The following MKLN1 variants were observed in gnomAD, a reference collection of about 807,000 sequenced individuals.
The protein encoded by MKLN1 is muskelin 1, also known as muskelin.
In MKLN1, 18 loss-of-function variants were observed where a neutral mutation model predicts 99.0. The ratio of observed to expected loss-of-function variants is 0.18; its 90% CI spans 0.13 to 0.27. MKLN1 has a LOEUF of 0.27. Ranked by LOEUF, MKLN1 falls within the 10% of genes least tolerant of loss-of-function variation. MKLN1 has a pLI of 1.00. For synonymous variants in MKLN1, 288 were observed against 293.2 expected (o/e 0.98, Z 0.18); for missense variants, 621 against 875.9 (o/e 0.71, Z 3.67).
chr7:131,335,885 T>A (rs956988356), intron 1 of MKLN1, among the ~76,000 whole-genome samples: 1 of 152,038 alleles, frequency 6.6e-6, no homozygotes, highest in Non-Finnish European at 1.5e-5. Flanking sequence ...TTGAAAAGAC[T>A]ATGCATTCTG....
chr7:131,389,007 CT>C (rs762938353), intron 4 of MKLN1, 35 bp downstream of exon 4: 2 of 1,427,480 alleles, frequency 1.4e-6, no homozygotes, highest in Admixed American at 3.7e-5. Context: ...GAAACAAATT[CT>C]TGATATCATC....
intron 2 of MKLN1, among the ~76,000 whole-genome samples, chr7:131,151,901 A>G (rs987807035): frequency 6.6e-6 from 1 of 152,176 alleles, no homozygotes; most frequent in African/African-American, 2.4e-5. Flanking sequence ...ACATAAGGAA[A>G]AGTAGACAGA....
intron 2 of MKLN1, among the ~76,000 whole-genome samples, chr7:131,176,245 G>A (rs1796297462): frequency 6.6e-6 from 1 of 151,982 alleles, no homozygotes; most frequent in Non-Finnish European, 1.5e-5. Flanking sequence ...TGTATATATT[G>A]AAGTACTAAT....
intron 2 of MKLN1, among the ~76,000 whole-genome samples, chr7:131,175,504 G>GA (rs955885616): frequency 7.9e-5 from 12 of 152,218 alleles, no homozygotes; most frequent in Admixed American, 5.9e-4. Flanking sequence ...ATAATGCTAA[G>GA]AAAAAATAGG....
At chr7:131,467,403 A>G (rs1189392740) in intron 15 of MKLN1, among the ~76,000 whole-genome samples, 1 of 152,182 alleles carries the variant, frequency 6.6e-6, no homozygotes, top group Non-Finnish European at 1.5e-5. Flanking sequence ...AGATTGAGTT[A>G]TTGTTTGTAC....
intron 8 of MKLN1, among the ~76,000 whole-genome samples, chr7:131,423,867 G>A (rs905960507): frequency 2.0e-5 from 3 of 152,198 alleles, no homozygotes; most frequent in African/African-American, 7.2e-5. Context: ...TAACAATTCA[G>A]CCTTTTAGTA....
chr7:131,242,676 A>G (rs1206317492), intron 3 of MKLN1: 15 of 618,882 alleles, frequency 2.4e-5, no homozygotes, highest in Non-Finnish European at 4.5e-5. Flanking sequence ...CGTGAAGAAC[A>G]TTGATGATGG....
chr7:131,334,980 A>G (rs1431034670), intron 1 of MKLN1, among the ~76,000 whole-genome samples: 1 of 152,166 alleles, frequency 6.6e-6, no homozygotes, highest in Admixed American at 6.6e-5. Context: ...TATAGGTTCA[A>G]TCTTAGGATA....
At chr7:131,312,986 T>C (rs1798596384) in intron 3 of MKLN1, among the ~76,000 whole-genome samples, 1 of 152,046 alleles carries the variant, frequency 6.6e-6, no homozygotes, top group African/African-American at 2.4e-5. Flanking sequence ...ATCTAAAGGC[T>C]CAAATCCAAA....
At chr7:131,393,083 T>G (rs1794254601) in intron 4 of MKLN1, among the ~76,000 whole-genome samples, 1 of 152,138 alleles carries the variant, frequency 6.6e-6, no homozygotes, top group Admixed American at 6.5e-5. Flanking sequence ...AACTGAGTCT[T>G]GCTGTCTTGC....
chr7:131,120,508 C>T (rs1401872950), intron 1 of MKLN1, among the ~76,000 whole-genome samples: 1 of 131,544 alleles, frequency 7.6e-6, no homozygotes, highest in African/African-American at 2.9e-5. Context: ...GAGATCACGC[C>T]ACTGCACTCC....
intron 1 of MKLN1, among the ~76,000 whole-genome samples, chr7:131,364,132 C>T (rs1238678443): frequency 6.6e-6 from 1 of 151,992 alleles, no homozygotes; most frequent in African/African-American, 2.4e-5. Flanking sequence ...CTCTTTATAG[C>T]TGGAGATATT....
At chr7:131,304,049 A>G (rs982980162) in intron 3 of MKLN1, among the ~76,000 whole-genome samples, 6 of 152,214 alleles carry the variant, frequency 3.9e-5, no homozygotes, top group African/African-American at 1.4e-4. Context: ...TGTGTACAAT[A>G]TAGGTATAGG....
At chr7:131,463,485 C>A (rs1796575963) in intron 13 of MKLN1, 121 bp downstream of exon 13, 2 of 1,062,918 alleles carry the variant, frequency 1.9e-6, no homozygotes, top group Non-Finnish European at 1.4e-6. Context: ...ATTTAAAAGT[C>A]AGTATTGGAA....
At chr7:131,348,188 A>G (rs1054897959) in intron 1 of MKLN1, among the ~76,000 whole-genome samples, 3 of 152,228 alleles carry the variant, frequency 2.0e-5, no homozygotes, top group South Asian at 2.1e-4. Flanking sequence ...GTGATTTGCC[A>G]TATGACATAT....
At chr7:131,209,195 A>G (rs975795184) in intron 3 of MKLN1, among the ~76,000 whole-genome samples, 5 of 152,248 alleles carry the variant, frequency 3.3e-5, no homozygotes, top group African/African-American at 4.8e-5. Context: ...GAAGTTGGAC[A>G]AGTGGACAGG....
chr7:131,399,063 AG>A (rs1323671244), intron 5 of MKLN1, among the ~76,000 whole-genome samples, 177 bp from the exon 6 acceptor site: 2 of 152,246 alleles, frequency 1.3e-5, no homozygotes, highest in East Asian at 1.9e-4. Context: ...GCCAAGCTTT[AG>A]TTTTGCTAGT....
chr7:131,175,236 A>G (rs1429686151), intron 2 of MKLN1, among the ~76,000 whole-genome samples: 2 of 69,158 alleles, frequency 2.9e-5, no homozygotes, highest in Non-Finnish European at 2.7e-5. Context: ...GAGAGATAGA[A>G]TGGATGGATG....
intron 3 of MKLN1, among the ~76,000 whole-genome samples, chr7:131,247,868 G>A (rs188351025): frequency 2.2e-5 from 3 of 134,194 alleles, no homozygotes; most frequent in Admixed American, 1.4e-4. Flanking sequence ...CTCTGCTACT[G>A]CCTTTTTTGT....
Sources: allele counts gnomAD v4.1 joint callset (sites outside exome capture counted in the v4.1 genomes callset), GRCh38; gene constraint gnomAD v4.1.1; transcripts MANE v1.5; gene names NCBI Gene and HGNC (gene_info 2026-07-23, HGNC 2026-07-21).